Variants in RAB27B observed in about 807,000 individuals in gnomAD.
RAB27B encodes ras-related protein Rab-27B.
A neutral mutation model predicts 24.6 loss-of-function variants in RAB27B; 15 were observed. That is an observed-to-expected ratio of 0.61 (90% confidence interval 0.41 to 0.94). The LOEUF is 0.94. RAB27B is among the 40% of genes least tolerant of loss of function. RAB27B has a pLI of 0.00. For missense variants in RAB27B, 261 were observed against 266.8 expected (o/e 0.98, Z 0.15); for synonymous variants, 105 against 92.5 (o/e 1.14, Z -0.78).
At chr18:54,752,414 A>C (rs1598879005) in intron 2 of RAB27B, among the ~76,000 whole-genome samples, 1 of 152,292 alleles carries the variant, frequency 6.6e-6, no homozygotes, top group South Asian at 2.1e-4. Context: ...AAAGTCCCCC[A>C]GGTGATTCTC....
rs149706226 is a variant in RAB27B at position 54,746,031 on chromosome 18, C to T, written c.-20+27890C>T. Reference sequence around the variant, plus strand: ...ATGCTATGAAAACTGAGAAGGGAGGCGGTCTCACTCTATATGGGTGAAGCA... The same window carrying T: ...ATGCTATGAAAACTGAGAAGGGAGGTGGTCTCACTCTATATGGGTGAAGCA... On this transcript the variant is annotated intron_variant, in intron 2 of 4. Transcript: ENST00000586570. 1.2e-3 allele frequency among the ~76,000 whole-genome samples: 181 copies of T among 152,054 alleles called. 1 individual carries two copies. Among genetic ancestry groups the T allele is most frequent in the Middle Eastern group, 3.4e-3 (1 of 294 alleles).
intron 1 of RAB27B, among the ~76,000 whole-genome samples, chr18:54,852,321 C>T (rs956095457): frequency 1.4e-4 from 21 of 152,252 alleles, no homozygotes; most frequent in African/African-American, 4.8e-4. Flanking sequence ...ATTGTTCAAG[C>T]CACATAGCTA....
Position 54,850,933 on chromosome 18 carries a change from A to C in RAB27B, c.-20+22233A>C, listed in dbSNP as rs140420804. Among the ~76,000 whole-genome samples the C allele has an allele frequency of 2.8e-4, 42 of 152,072 alleles. 1 individual carries two copies. Among genetic ancestry groups the C allele is most frequent in the African/African-American group, 9.6e-4 (40 of 41,486 alleles). On this transcript the variant is annotated intron_variant, in intron 1 of 5. Transcript: ENST00000262094. ...CAGACCTTCAAACCTCAGGCCTCCT[A>C]CTCATTAGCTGTGTGGTCTTGGGCA...
At chr18:54,788,217 C>A (rs903653624) in intron 2 of RAB27B, among the ~76,000 whole-genome samples, 1 of 152,176 alleles carries the variant, frequency 6.6e-6, no homozygotes, top group Non-Finnish European at 1.5e-5. Context: ...ACTCTCCAAG[C>A]ATTTTAATAT....
intron 2 of RAB27B, among the ~76,000 whole-genome samples, chr18:54,819,940 G>T (rs1910250203): frequency 6.6e-6 from 1 of 152,112 alleles, no homozygotes; most frequent in Non-Finnish European, 1.5e-5. Context: ...TCCCTACAAA[G>T]GATATGAACT....
At chr18:54,773,985 T>C (rs961348518) in intron 2 of RAB27B, among the ~76,000 whole-genome samples, 1 of 152,182 alleles carries the variant, frequency 6.6e-6, no homozygotes, top group African/African-American at 2.4e-5. Context: ...GCTGAGACAA[T>C]CTACTTTCTA....
intron 4 of RAB27B, among the ~76,000 whole-genome samples, chr18:54,885,235 A>G (rs972887961): frequency 3.9e-5 from 6 of 152,170 alleles, no homozygotes; most frequent in African/African-American, 1.2e-4. Flanking sequence ...GAGTCGTCCT[A>G]TGGGGCTGCT....
intron 1 of RAB27B, among the ~76,000 whole-genome samples, chr18:54,851,769 A>C (rs1170931552): frequency 2.6e-5 from 4 of 152,106 alleles, no homozygotes; most frequent in Non-Finnish European, 5.9e-5. Context: ...TTTCATCAGA[A>C]TCTCCAAGGA....
At chr18:54,720,446 C>T (rs1368723944) in intron 2 of RAB27B, among the ~76,000 whole-genome samples, 1 of 151,946 alleles carries the variant, frequency 6.6e-6, no homozygotes, top group Non-Finnish European at 1.5e-5. Flanking sequence ...AGTACTTTTC[C>T]ATCCAAAAAG....
chr18:54,776,961 C>A (rs1450177926), intron 2 of RAB27B, among the ~76,000 whole-genome samples: 2 of 152,138 alleles, frequency 1.3e-5, no homozygotes, highest in African/African-American at 2.4e-5. Context: ...AGGAGAATCA[C>A]CTGAGCCTGG....
chr18:54,767,535 CTT>C (rs988381537), intron 2 of RAB27B, among the ~76,000 whole-genome samples: 2 of 152,176 alleles, frequency 1.3e-5, no homozygotes, highest in Admixed American at 6.6e-5. Flanking sequence ...GGAAAGAACT[CTT>C]TGTATCAAGG....
chr18:54,770,575 C>A (rs1908512722), intron 2 of RAB27B, among the ~76,000 whole-genome samples: 1 of 151,986 alleles, frequency 6.6e-6, no homozygotes, highest in Non-Finnish European at 1.5e-5. Context: ...ATAATCGAAA[C>A]AAAGTGCACA....
In RAB27B at chr18:54,877,618, A is replaced by T; in HGVS notation, c.33A>T (p.Lys11Asn). The stretch of plus-strand genomic sequence containing the variant: ...ATGGAGACTATGATTATCTGATCAA[A>T]CTCCTGGCCCTCGGGGATTCAGGGG... MTDGDYDYLI[K>N]LLALGDSGVG... The change falls in exon 2 of 6, where the codon AAA (lysine) becomes AAT (asparagine). Residue 11 changes from lysine (K) to asparagine (N), a missense_variant. Lys to Asn is a moderately conservative substitution (Grantham distance 94). Coordinates refer to ENST00000262094, the MANE Select transcript of RAB27B (RefSeq NM_004163.4). The T allele has an allele frequency of 6.3e-7, 1 of 1,587,778 alleles. No homozygotes were observed.
At chr18:54,768,421 G>A (rs1908434844) in intron 2 of RAB27B, among the ~76,000 whole-genome samples, 1 of 152,068 alleles carries the variant, frequency 6.6e-6, no homozygotes, top group African/African-American at 2.4e-5. Flanking sequence ...TTGGTAACTT[G>A]CAACTTTTTT....
At chr18:54,887,961 A>G (rs1434577072) in intron 4 of RAB27B, 34 bp from the exon 5 acceptor site, 8 of 1,601,274 alleles carry the variant, frequency 5.0e-6, no homozygotes, top group Non-Finnish European at 6.0e-6. Flanking sequence ...TTATTTATCA[A>G]TAACTTGCTG....
rs1908916218 is a variant in RAB27B at position 54,781,451 on chromosome 18, T to G, written c.-20+63310T>G. 2.0e-5 allele frequency among the ~76,000 whole-genome samples: 3 copies of G among 152,060 alleles called. No homozygotes were observed. In the South Asian group the frequency reaches 6.2e-4, roughly 32 times the overall value. ...GCCATGATTCAAGGTCCAGAGAGCT[T>G]GCCTAACACTATAAATCCTTTCTTC... On this transcript the variant is annotated intron_variant, in intron 2 of 4. Transcript: ENST00000586570.
intron 2 of RAB27B, among the ~76,000 whole-genome samples, chr18:54,728,903 C>CAAAAAAAAAAAAACAAA (rs1909635517): frequency 1.5e-5 from 1 of 68,254 alleles, no homozygotes; most frequent in Non-Finnish European, 2.5e-5. Context: ...AAAAAAAACC[C>CAAAAAAAAAAAAACAAA]AAAAAAAAAA....
chr18:54,823,575 C>T (rs1031338773), upstream of RAB27B, among the ~76,000 whole-genome samples: 1 of 152,130 alleles, frequency 6.6e-6, no homozygotes, highest in African/African-American at 2.4e-5. Context: ...TTAGAACCCA[C>T]CTTTATTTTT....
chr18:54,773,088 G>A (rs1057034504), intron 2 of RAB27B, among the ~76,000 whole-genome samples: 1 of 151,090 alleles, frequency 6.6e-6, no homozygotes, highest in African/African-American at 2.4e-5. Context: ...TCCTTTTTTG[G>A]TTCATTTGGC....
Sources: gnomAD v4.1 joint callset for allele counts (sites outside exome capture counted in the v4.1 genomes callset) on GRCh38, gnomAD v4.1.1 for gene constraint, MANE v1.5 for transcripts, NCBI Gene and HGNC (gene_info 2026-07-23, HGNC 2026-07-21) for gene names.